The following CLCN4 variants were observed in gnomAD, a reference collection of about 807,000 sequenced individuals.
The protein encoded by CLCN4 is H(+)/Cl(-) exchange transporter 4.
CLCN4 carries 1 observed loss-of-function variant against 41.7 expected under a neutral mutation model. That is an observed-to-expected ratio of 0.02 (90% CI 0.01 to 0.11). The LOEUF is 0.11. Ranked by LOEUF, CLCN4 falls within the 10% of genes least tolerant of loss-of-function variation. The pLI, the probability that CLCN4 is intolerant of heterozygous loss-of-function variation, is 1.00. For missense variants in CLCN4, 287 were observed against 661.0 expected (o/e 0.43, Z 6.20); for synonymous variants, 277 against 285.8 (o/e 0.97, Z 0.31).
intron 4 of CLCN4, among the ~76,000 whole-genome samples, chrX:10,192,148 G>A (rs142421388): frequency 3.3e-4 from 37 of 110,482 alleles, no homozygotes; most frequent in African/African-American, 1.2e-3. Context: ...CACTTAGAGT[G>A]GACACAGGGT....
chrX:10,204,440 A>T (rs2089438447), intron 6 of CLCN4, among the ~76,000 whole-genome samples: 2 of 111,178 alleles, frequency 1.8e-5, no homozygotes, highest in Admixed American at 1.9e-4. Flanking sequence ...TGTATTAAGA[A>T]TATTTTCAAA....
rs1270001141 is a variant in CLCN4, at chrX:10,235,901, A to G, written c.*2317A>G. On this transcript the variant is annotated 3_prime_UTR_variant, in exon 13 of 13. Transcript: ENST00000380833. ...TATTTATAGCACGTAAGCCTTGAGTAACAGGTCTTAATGTTAGTGTTGGTG... is the reference window on the plus strand; with the variant it reads ...TATTTATAGCACGTAAGCCTTGAGTGACAGGTCTTAATGTTAGTGTTGGTG... 1.8e-5 allele frequency: 2 copies of G among 112,456 alleles called. No individual in the cohort carries two copies. Among genetic ancestry groups the G allele is most frequent in the Non-Finnish European group, 3.8e-5 (2 of 53,311 alleles). 9.3% of individuals were successfully genotyped at this position (112,456 alleles called of 1,213,427 possible). A position where few individuals can be genotyped will look rare whatever the true frequency, so the allele number is the denominator to read the frequency against.
At chrX:10,188,384 C>G (rs1267670968) in intron 4 of CLCN4, among the ~76,000 whole-genome samples, 3 of 112,306 alleles carry the variant, frequency 2.7e-5, no homozygotes, top group Non-Finnish European at 5.6e-5. Context: ...GCTAGACACC[C>G]ACGGGAGCTG....
intron 2 of CLCN4, among the ~76,000 whole-genome samples, chrX:10,168,094 A>G (rs937434934): frequency 2.7e-5 from 3 of 112,075 alleles, no homozygotes; most frequent in African/African-American, 9.7e-5. Flanking sequence ...TTGATGATAA[A>G]TTAGGGCATA....
intron 2 of CLCN4, among the ~76,000 whole-genome samples, chrX:10,176,979 A>G (rs903447502): frequency 8.9e-6 from 1 of 112,312 alleles, no homozygotes; most frequent in African/African-American, 3.2e-5. Flanking sequence ...GGATAACTAC[A>G]TTGGGGCTGA....
intron 2 of CLCN4, among the ~76,000 whole-genome samples, chrX:10,171,183 C>T (rs1286933856): frequency 8.9e-6 from 1 of 112,254 alleles, no homozygotes; most frequent in African/African-American, 3.2e-5. Context: ...CCACCGCGTC[C>T]GGCTCTGAAT....
chrX:10,202,005 G>GT (rs757687892), intron 6 of CLCN4, among the ~76,000 whole-genome samples: 42 of 110,434 alleles, frequency 3.8e-4, no homozygotes, highest in East Asian at 1.1e-3. Flanking sequence ...TTTAAAGAAG[G>GT]TTTTTTTTAT....
intron 12 of CLCN4, among the ~76,000 whole-genome samples, chrX:10,229,358 A>G (rs948435107): frequency 1.8e-5 from 2 of 109,325 alleles, no homozygotes; most frequent in African/African-American, 6.8e-5. Context: ...GTAGATGTGT[A>G]TATTTATGGA....
chrX:10,163,988 A>G (rs1386286717), intron 2 of CLCN4, among the ~76,000 whole-genome samples: 2 of 112,857 alleles, frequency 1.8e-5, no homozygotes, highest in Non-Finnish European at 1.9e-5. Flanking sequence ...AAGTCTAGGC[A>G]GTGGGATACA....
rs766014266 is a variant in CLCN4 at position 10,171,890 on chromosome X, T to G, written c.-11-13132T>G. Among the ~76,000 whole-genome samples the G allele has an allele frequency of 2.7e-3, 298 of 111,630 alleles. 2 individuals are homozygous for G. Among genetic ancestry groups the G allele is most frequent in the Non-Finnish European group, 3.0e-3 (158 of 53,065 alleles). ...TTAGAGACTCAGCGCCTGGGATTTGTATTGGGGGCTGCTCACATAGGCACC... is the reference window on the plus strand; with the variant it reads ...TTAGAGACTCAGCGCCTGGGATTTGGATTGGGGGCTGCTCACATAGGCACC... On this transcript the variant is annotated intron_variant, in intron 2 of 12. Coordinates refer to ENST00000380833, the MANE Select transcript of CLCN4 (RefSeq NM_001830.4).
chrX:10,178,283 G>T (rs1923585653), intron 2 of CLCN4, among the ~76,000 whole-genome samples: 1 of 111,806 alleles, frequency 8.9e-6, no homozygotes, highest in Non-Finnish European at 1.9e-5. Flanking sequence ...ACATCTTATG[G>T]TATGTGAATT....
In CLCN4 at chrX:10,185,077, T is replaced by C; in HGVS notation, c.45T>C (p.Asp15=). ...GAMSGSGNLM[D]FLDEPFPDVG... ...TGAGTGGCTCTGGAAACCTGATGGATTTCCTCGATGAGCCGTTCCCTGATG... is the reference window on the plus strand; with the variant it reads ...TGAGTGGCTCTGGAAACCTGATGGACTTCCTCGATGAGCCGTTCCCTGATG... The change falls in exon 3 of 13, where the codon GAT becomes GAC. Residue 15 remains aspartate (D), a synonymous_variant. Transcript: ENST00000380833. The C allele has an allele frequency of 8.3e-7, 1 of 1,209,716 alleles. No individual in the cohort carries two copies. The highest frequency in any genetic ancestry group is 1.1e-6 in the Non-Finnish European group (1 of 894,151).
chrX:10,203,292 A>G (rs1924289219), intron 6 of CLCN4, among the ~76,000 whole-genome samples: 1 of 111,832 alleles, frequency 8.9e-6, no homozygotes, highest in African/African-American at 3.3e-5. Flanking sequence ...AACATCCCTT[A>G]AATAAAGGGA....
chrX:10,179,708 G>A (rs935845222), intron 2 of CLCN4, among the ~76,000 whole-genome samples: 1 of 111,764 alleles, frequency 8.9e-6, no homozygotes. Flanking sequence ...TAAGGAAGGG[G>A]TGTTTTCATG....
At chrX:10,208,934 G>A (rs192958323) in intron 9 of CLCN4, among the ~76,000 whole-genome samples, 155 of 111,814 alleles carry the variant, frequency 1.4e-3, no homozygotes, top group Admixed American at 9.7e-3. Context: ...GTTTCCTGCC[G>A]CTGGCCAGGT....
chrX:10,161,024 G>T (rs1923080986), intron 2 of CLCN4, among the ~76,000 whole-genome samples: 1 of 110,723 alleles, frequency 9.0e-6, no homozygotes. Flanking sequence ...ATGTGGTGGT[G>T]GTGGGGTGCT....
In CLCN4 at chrX:10,208,233, G is replaced by A. The variant is rs1183384005; in HGVS notation, c.1032G>A (p.Leu344=). Residue 344 remains leucine, a synonymous_variant, in exon 9 of 13, where the codon TTG becomes TTA. Transcript: ENST00000380833. ...PFILLGVFGG[L]WGTLFIRCNI... is the part of the protein sequence containing the mutation. The stretch of plus-strand genomic sequence containing the variant: ...TCCTGCTTGGGGTCTTCGGGGGCTT[G>A]TGGGGAACCCTCTTCATCCGCTGCA... 1 of 1,209,234 alleles carries A rather than the reference G, an allele frequency of 8.3e-7. No individual in the cohort carries two copies. The highest frequency in any genetic ancestry group is 1.1e-6 in the Non-Finnish European group (1 of 895,141).
intron 2 of CLCN4, among the ~76,000 whole-genome samples, chrX:10,159,517 G>A (rs2147154623): frequency 9.0e-6 from 1 of 110,815 alleles, no homozygotes; most frequent in South Asian, 4.0e-4. Flanking sequence ...CCCTTAGGGG[G>A]AGAATGTGGC....
rs1315915005 is a variant in CLCN4 at position 10,236,342 on chromosome X, A to T, written c.*2758A>T. ...AACAGTTGGAAGAGTTACTTGACTG[A>T]AACAACCCAATCTTACTTTCTTTCG... is the stretch of plus-strand genomic sequence containing the variant. On this transcript the variant is annotated 3_prime_UTR_variant, in exon 13 of 13. Transcript: ENST00000380833. 1 of 112,035 alleles carries T rather than the reference A, an allele frequency of 8.9e-6. No individual in the cohort carries two copies. The highest frequency in any genetic ancestry group is 1.9e-5 in the Non-Finnish European group (1 of 53,158). 9.2% of individuals were successfully genotyped at this position (112,035 alleles called of 1,213,427 possible). A position where few individuals can be genotyped will look rare whatever the true frequency, so the allele number is the denominator to read the frequency against.
Sources: allele counts gnomAD v4.1 joint callset (sites outside exome capture counted in the v4.1 genomes callset), GRCh38; gene constraint gnomAD v4.1.1; transcripts MANE v1.5; gene names NCBI Gene and HGNC (gene_info 2026-07-23, HGNC 2026-07-21).